Variants in SEPTIN9 observed in about 807,000 individuals in gnomAD.
The protein encoded by SEPTIN9 is septin-9.
Under a neutral mutation model 56.6 loss-of-function variants are expected in SEPTIN9, and 13 were observed. That is an observed-to-expected ratio of 0.23 (90% confidence interval 0.15 to 0.37). The LOEUF (loss-of-function observed/expected upper bound fraction) is 0.37. Ranked by LOEUF, SEPTIN9 falls within the 10% of genes least tolerant of loss-of-function variation. SEPTIN9 has a pLI of 1.00. For missense variants in SEPTIN9, 650 were observed against 823.1 expected, an observed-to-expected ratio of 0.79 and a Z score of 2.57; for synonymous variants, 332 against 334.1, an observed-to-expected ratio of 0.99 and a Z score of 0.07.
intron 2 of SEPTIN9, among the ~76,000 whole-genome samples, chr17:77,392,283 C>G (rs1394181408): frequency 1.3e-5 from 2 of 152,160 alleles, no homozygotes; most frequent in Non-Finnish European, 2.9e-5. Flanking sequence ...GAGAAAGAAG[C>G]CTCCTCCTAA....
In SEPTIN9 at chr17:77,311,411, G is replaced by A. The variant is rs376066601; in HGVS notation, c.76+4214G>A. 1.1e-4 allele frequency among the ~76,000 whole-genome samples: 17 copies of A among 152,230 alleles called. No homozygotes were observed. In the East Asian group the frequency reaches 3.1e-3, roughly 28 times the overall value. ...CTGGCCGCTGTGGATGGACGACCCC[G>A]CCCGCAGGAAGTCTCCCTCAAGCAC... On this transcript the variant is annotated intron_variant, in intron 2 of 11. Transcript: ENST00000427177.
At chr17:77,321,533 G>A (rs1267384960) in intron 2 of SEPTIN9, among the ~76,000 whole-genome samples, 1 of 151,888 alleles carries the variant, frequency 6.6e-6, no homozygotes, top group Non-Finnish European at 1.5e-5. Flanking sequence ...CCAAGCAGCT[G>A]GGACTATAGG....
chr17:77,370,045 ACCCACAGGGTTTGTGATTG>A (rs1431886933), intron 2 of SEPTIN9, among the ~76,000 whole-genome samples: 1 of 152,104 alleles, frequency 6.6e-6, no homozygotes, highest in African/African-American at 2.4e-5. Context: ...CGGGTGGGCT[ACCCACAGGGTTTGTGATTG>A]CTTAGACATC....
At chr17:77,353,777 C>G (rs1315850648) in intron 2 of SEPTIN9, among the ~76,000 whole-genome samples, 1 of 152,214 alleles carries the variant, frequency 6.6e-6, no homozygotes, top group South Asian at 2.1e-4. Context: ...GTCTCAGCCC[C>G]GCAATCCATT....
At chr17:77,419,723 G>C (rs912950934) in intron 3 of SEPTIN9, 1 of 152,472 alleles carries the variant, frequency 6.6e-6, no homozygotes, top group Non-Finnish European at 1.5e-5. Flanking sequence ...GAGAGGGCTG[G>C]GATGGGGAAG....
chr17:77,425,672 G>A lies in SEPTIN9; in HGVS notation c.721+22969G>A, dbSNP rs1218687787. ...CCTCTTTCTCTGTCTCTTGGGAAAG[G>A]TAGGGTCTTTGTGCCCCCTCCCACC... On this transcript the variant is annotated intron_variant, in intron 3 of 11. Transcript: ENST00000427177. This position sits in a 1 kb window ranked among gnomAD's most constrained non-coding sequence, Gnocchi z 4.2. 6.6e-6 allele frequency among the ~76,000 whole-genome samples: 1 copy of A among 152,218 alleles called. No homozygotes were observed. The highest frequency in any genetic ancestry group is 1.5e-5 in the Non-Finnish European group (1 of 68,028).
At chr17:77,428,513 C>G (rs1049954080) in intron 3 of SEPTIN9, among the ~76,000 whole-genome samples, 1 of 152,222 alleles carries the variant, frequency 6.6e-6, no homozygotes, top group East Asian at 1.9e-4. Context: ...GTACCACATT[C>G]GAAATTGAAG....
At chr17:77,331,257 A>G (rs2033338948) in intron 2 of SEPTIN9, among the ~76,000 whole-genome samples, 1 of 152,234 alleles carries the variant, frequency 6.6e-6, no homozygotes, top group African/African-American at 2.4e-5. Flanking sequence ...CAGCATGTTT[A>G]TAAAGTCAAG....
chr17:77,390,737 C>T (rs866269524), intron 2 of SEPTIN9, among the ~76,000 whole-genome samples: 12 of 152,260 alleles, frequency 7.9e-5, no homozygotes, highest in African/African-American at 2.9e-4. Flanking sequence ...AGGCGTGAGC[C>T]GCCGCGCCCG....
chr17:77,281,897 CG>C (rs2031042273), intron 1 of SEPTIN9: 1 of 350,172 alleles, frequency 2.9e-6, no homozygotes. Context: ...TGAATGGGGT[CG>C]GGGCTAGGTG....
Position 77,367,747 on chromosome 17 carries a change from C to T in SEPTIN9, c.77-34312C>T, listed in dbSNP as rs775079637. ...AGGAGAATTGCTCCGATCTGGGAGGCGGAGGTTGCAGTGAGCCGAGATCAC... is the reference window on the plus strand; with the variant it reads ...AGGAGAATTGCTCCGATCTGGGAGGTGGAGGTTGCAGTGAGCCGAGATCAC... On this transcript the variant is annotated intron_variant, in intron 2 of 11. Transcript: ENST00000427177. This position sits in a 1 kb window ranked among gnomAD's most constrained non-coding sequence, Gnocchi z 4.5. Among the ~76,000 whole-genome samples the T allele has an allele frequency of 3.8e-4, 58 of 151,938 alleles. No individual in the cohort carries two copies. Among genetic ancestry groups the T allele is most frequent in the Non-Finnish European group, 6.9e-4 (47 of 67,994 alleles).
chr17:77,285,052 G>C (rs2031214244), intron 1 of SEPTIN9, among the ~76,000 whole-genome samples: 8 of 152,212 alleles, frequency 5.3e-5, no homozygotes, highest in Admixed American at 5.2e-4. Context: ...GATTGTCATT[G>C]ACAGGAGGAT....
At chr17:77,493,853 A>C (rs1489509883) in intron 10 of SEPTIN9, among the ~76,000 whole-genome samples, 21 of 147,092 alleles carry the variant, frequency 1.4e-4, no homozygotes, top group Non-Finnish European at 2.7e-4. Context: ...GCTCACTGCA[A>C]CCTCTGCCTC....
intron 1 of SEPTIN9, among the ~76,000 whole-genome samples, chr17:77,289,071 G>C (rs549529574): frequency 6.6e-6 from 1 of 152,070 alleles, no homozygotes; most frequent in African/African-American, 2.4e-5. Flanking sequence ...GTATTATGCC[G>C]CTTCTTTTTT....
At chr17:77,490,519 C>G (rs2039979699) in intron 7 of SEPTIN9, among the ~76,000 whole-genome samples, 1 of 152,210 alleles carries the variant, frequency 6.6e-6, no homozygotes. Flanking sequence ...CCTGGCCCGC[C>G]TGGCCTGTGC....
At chr17:77,306,645 T>C (rs1488768352) in intron 1 of SEPTIN9, among the ~76,000 whole-genome samples, 5 of 151,878 alleles carry the variant, frequency 3.3e-5, no homozygotes, top group Admixed American at 6.6e-5. Flanking sequence ...GCCCTGGGAG[T>C]GAAGGGGGCT....
Position 77,429,090 on chromosome 17 carries a change from C to T in SEPTIN9, c.721+26387C>T, listed in dbSNP as rs138486491. ...TGTACCTGTTCTTGGCTATTTGTGC[C>T]CCAGCTCCGTGTCCTCCGGTGTGTG... is the stretch of plus-strand genomic sequence containing the variant. On this transcript the variant is annotated intron_variant, in intron 3 of 11. Transcript: ENST00000427177. The surrounding 1 kb of genome is among the most constrained non-coding windows in gnomAD (Gnocchi z 5.2). 2.1e-6 allele frequency: 1 copy of T among 471,610 alleles called. No homozygotes were observed. Among genetic ancestry groups the T allele is most frequent in the Non-Finnish European group, 4.4e-6 (1 of 227,160 alleles). The allele number at this position is 471,610 out of a possible 1,614,324, so 29.2% of individuals were successfully genotyped here. A position where few individuals can be genotyped will look rare whatever the true frequency, so the allele number is the denominator to read the frequency against.
chr17:77,393,573 A>G (rs1414711823), intron 2 of SEPTIN9, among the ~76,000 whole-genome samples: 1 of 151,152 alleles, frequency 6.6e-6, no homozygotes, highest in Non-Finnish European at 1.5e-5. Context: ...CACCCAGGGA[A>G]TCTTATTTTT....
rs529878995 is a variant in SEPTIN9 at position 77,435,837 on chromosome 17, C to T, written c.721+33134C>T. On this transcript the variant is annotated intron_variant, in intron 3 of 11. Coordinates refer to ENST00000427177, the MANE Select transcript of SEPTIN9 (RefSeq NM_001113491.2). This position sits in a 1 kb window ranked among gnomAD's most constrained non-coding sequence, Gnocchi z 4.5. ...GCGCAAGCTTGCCAGCGCCGCACTG[C>T]GGGATCTGGAGGCCTTTGCTCCTGA... 4.2e-4 allele frequency among the ~76,000 whole-genome samples: 64 copies of T among 152,334 alleles called. No homozygotes were observed. In the South Asian group the frequency reaches 0.011, roughly 27 times the overall value.
Sources: gnomAD v4.1 joint callset for allele counts (sites outside exome capture counted in the v4.1 genomes callset) on GRCh38, gnomAD v4.1.1 for gene constraint, Gnocchi (gnomAD v3.1) non-coding constraint, MANE v1.5 for transcripts, NCBI Gene and HGNC (gene_info 2026-07-23, HGNC 2026-07-21) for gene names.